ELL: variants seen among roughly 807,000 people sequenced by gnomAD.
The protein encoded by ELL is RNA polymerase II elongation factor ELL.
ELL carries 18 observed loss-of-function variants against 64.0 expected under a neutral mutation model. The observed-to-expected ratio is 0.28, with a 90% CI of 0.19 to 0.42. The LOEUF (loss-of-function observed/expected upper bound fraction) is 0.42, where lower values mean the gene tolerates loss of function less well. Ranked by LOEUF, ELL falls within the 10% of genes least tolerant of loss-of-function variation. The pLI, the probability that ELL is intolerant of heterozygous loss-of-function variation, is 1.00. For missense variants in ELL, 797 were observed against 870.4 expected (o/e 0.92, Z 1.06); for synonymous variants, 399 against 376.2 (o/e 1.06, Z -0.70).
intron 1 of ELL, among the ~76,000 whole-genome samples, chr19:18,508,120 G>A (rs571595435): frequency 1.3e-5 from 2 of 152,154 alleles, no homozygotes; most frequent in Non-Finnish European, 2.9e-5. Flanking sequence ...ACTCCCATGC[G>A]GGCTGAGAAA....
At chr19:18,469,729 G>A (rs558395405) in intron 2 of ELL, among the ~76,000 whole-genome samples, 16 of 152,368 alleles carry the variant, frequency 1.1e-4, no homozygotes, top group African/African-American at 3.4e-4. Context: ...CCAAAGGCCC[G>A]CTCTGCCCTT....
chr19:18,494,675 G>A (rs1975610015), intron 1 of ELL, among the ~76,000 whole-genome samples: 1 of 152,166 alleles, frequency 6.6e-6, no homozygotes. Flanking sequence ...GCAGGCATAT[G>A]AGCCACCGCA....
Position 18,444,586 on chromosome 19 carries a change from G to T in ELL, c.*166C>A. 1.5e-6 allele frequency: 1 copy of T among 668,522 alleles called. No homozygotes were observed. The highest frequency in any genetic ancestry group is 2.5e-6 in the Non-Finnish European group (1 of 407,132). The allele number at this position is 668,522 out of a possible 1,614,324, so 41.4% of individuals were successfully genotyped here. A position where few individuals can be genotyped will look rare whatever the true frequency, so the allele number is the denominator to read the frequency against. On this transcript the variant is annotated 3_prime_UTR_variant, in exon 12 of 12. Coordinates refer to ENST00000262809, the MANE Select transcript of ELL (RefSeq NM_006532.4). ...AGGAAGCGCAGGGAGGGCCGAGGTG[G>T]GCTTGCAGCCACCCGCCAGGGCCAG...
chr19:18,509,587 GCGCGCGCACATACACACACACA>G (rs1223718758), intron 1 of ELL, among the ~76,000 whole-genome samples: 11 of 112,844 alleles, frequency 9.7e-5, no homozygotes, highest in African/African-American at 3.8e-4. Flanking sequence ...GCACGTGCGC[GCGCGCGCACATACACACACACA>G]CACACACACA....
chr19:18,446,397 A>C lies in ELL; in HGVS notation c.1616T>G (p.Leu539Arg). The C allele has an allele frequency of 6.2e-7, 1 of 1,612,198 alleles. No homozygotes were observed. Among genetic ancestry groups the C allele is most frequent in the Non-Finnish European group, 8.5e-7 (1 of 1,179,806 alleles). The change falls in exon 10 of 12, where the codon CTG (leucine) becomes CGG (arginine). Residue 539 changes from leucine to arginine, a missense_variant. Leu to Arg is a moderately radical substitution (Grantham distance 102, BLOSUM62 -2). Coordinates refer to ENST00000262809, the MANE Select transcript of ELL (RefSeq NM_006532.4). ...CGTGATGCGCTCAATGCGGGCGTGCAGGTCGCGGTACTCGCTGTACTCGGC... is the reference window on the plus strand; with the variant it reads ...CGTGATGCGCTCAATGCGGGCGTGCCGGTCGCGGTACTCGCTGTACTCGGC... ...FNAEYSEYRDLHARIERITRR... is the reference protein window; with the variant it reads ...FNAEYSEYRDRHARIERITRR...
chr19:18,520,862 A>G (rs1976252863), intron 1 of ELL, among the ~76,000 whole-genome samples: 1 of 151,888 alleles, frequency 6.6e-6, no homozygotes, highest in Non-Finnish European at 1.5e-5. Context: ...TTCCTAAACC[A>G]CTTCCCCTCG....
chr19:18,475,517 T>C (rs1461763597), intron 1 of ELL, among the ~76,000 whole-genome samples: 2 of 152,158 alleles, frequency 1.3e-5, no homozygotes, highest in African/African-American at 2.4e-5. Context: ...AAAAACACAC[T>C]TCCGTACAAA....
rs1974477586 is a variant in ELL, at chr19:18,449,436, C to T, written c.1465+1041G>A. 6.6e-6 allele frequency among the ~76,000 whole-genome samples: 1 copy of T among 152,152 alleles called. No individual in the cohort carries two copies. Among genetic ancestry groups the T allele is most frequent in the South Asian group, 2.1e-4 (1 of 4,830 alleles). On this transcript the variant is annotated intron_variant, in intron 8 of 11. Coordinates refer to ENST00000262809, the MANE Select transcript of ELL (RefSeq NM_006532.4). The surrounding 1 kb of genome is among the most constrained non-coding windows in gnomAD (Gnocchi z 4.4). ...TGCAGTCCCACGGGAGGTGGGAAGCCCAGCACGAGGCAGGGCTGACCCAAC... is the reference window on the plus strand; with the variant it reads ...TGCAGTCCCACGGGAGGTGGGAAGCTCAGCACGAGGCAGGGCTGACCCAAC...
chr19:18,450,310 A>AGGGTGCC (rs140143210), intron 8 of ELL, among the ~76,000 whole-genome samples, 167 bp downstream of exon 8: 1,938 of 152,328 alleles, frequency 0.013, 16 homozygotes, highest in Non-Finnish European at 0.02. Context: ...GCAGGAACAT[A>AGGGTGCC]GGGTGCCAGG....
At chr19:18,493,401 G>C (rs559585889) in intron 1 of ELL, among the ~76,000 whole-genome samples, 1 of 152,356 alleles carries the variant, frequency 6.6e-6, no homozygotes, top group South Asian at 2.1e-4. Context: ...CCCCTCTGAA[G>C]CCAGGGCTGT....
chr19:18,457,416 G>A (rs1387240301), intron 6 of ELL, among the ~76,000 whole-genome samples: 3 of 152,338 alleles, frequency 2.0e-5, no homozygotes, highest in South Asian at 4.1e-4. Context: ...GTGCCCCGCA[G>A]GCCCCTGACC....
At chr19:18,495,750 C>T (rs1335399106) in intron 1 of ELL, among the ~76,000 whole-genome samples, 2 of 152,230 alleles carry the variant, frequency 1.3e-5, no homozygotes, top group Non-Finnish European at 2.9e-5. Context: ...GTATGCACTG[C>T]AGTGGAGGGA....
At chr19:18,514,154 G>A (rs8106068) in intron 1 of ELL, among the ~76,000 whole-genome samples, 44,269 of 151,602 alleles carry the variant, frequency 0.29, 7,772 homozygotes, top group African/African-American at 0.49. Flanking sequence ...TCTCTAGGAC[G>A]CTTTTATCTG....
chr19:18,486,571 G>A (rs1156401068), intron 1 of ELL, among the ~76,000 whole-genome samples: 1 of 152,172 alleles, frequency 6.6e-6, no homozygotes, highest in Non-Finnish European at 1.5e-5. Flanking sequence ...TGAGAAGGGA[G>A]CCTGTCTCTG....
At chr19:18,451,452 T>A (rs1974533975) in intron 7 of ELL, 100 bp downstream of exon 7, 1 of 1,104,188 alleles carries the variant, frequency 9.1e-7, no homozygotes, top group South Asian at 1.9e-5. Context: ...GAGCAGCTCA[T>A]GCTCCAAAGA....
chr19:18,504,621 C>G (rs1230612111), intron 1 of ELL, among the ~76,000 whole-genome samples: 1 of 152,158 alleles, frequency 6.6e-6, no homozygotes, highest in Non-Finnish European at 1.5e-5. Context: ...GCACCGCCCA[C>G]AGGGTGGATC....
In ELL at chr19:18,450,783, G is replaced by A. The variant is rs35245196; in HGVS notation, c.1159C>T (p.Arg387Trp). 6.7e-5 allele frequency: 106 copies of A among 1,579,460 alleles called. No individual in the cohort carries two copies. The African/African-American group carries it at 9.7e-4, about 14-fold the overall frequency. Residue 387 changes from arginine (R) to tryptophan (W), a missense_variant, in exon 8 of 12, where the codon CGG becomes TGG. Transcript: ENST00000262809. ...TLSSSTHLPP[R>W]LEPPRAHDPL... ...TCGTGGGCCCTCGGGGGCTCCAGCC[G>A]CGGGGGCAGGTGAGTGCTGGAGCTG...
At chr19:18,480,893 C>G (rs1975285801) in intron 1 of ELL, among the ~76,000 whole-genome samples, 1 of 152,162 alleles carries the variant, frequency 6.6e-6, no homozygotes. Context: ...CTCAGCCTCC[C>G]AAAGTGCCAG....
At chr19:18,509,575 ATGCACG>A (rs1282647604) in intron 1 of ELL, among the ~76,000 whole-genome samples, 70 of 144,000 alleles carry the variant, frequency 4.9e-4, no homozygotes, top group African/African-American at 1.8e-3. Flanking sequence ...ACACAGGCCA[ATGCACG>A]TGCGCGCGCG....
Sources: allele counts gnomAD v4.1 joint callset (sites outside exome capture counted in the v4.1 genomes callset), GRCh38; gene constraint gnomAD v4.1.1; non-coding constraint Gnocchi (gnomAD v3.1); transcripts MANE v1.5; gene names NCBI Gene and HGNC (gene_info 2026-07-23, HGNC 2026-07-21).